CAPN1: variants seen among roughly 807,000 people sequenced by gnomAD.
The protein encoded by CAPN1 is calpain-1 catalytic subunit.
CAPN1 carries 77 observed loss-of-function variants against 105.2 expected under a neutral mutation model. The ratio of observed to expected loss-of-function variants is 0.73; its 90% CI spans 0.61 to 0.88. The LOEUF (loss-of-function observed/expected upper bound fraction) is 0.88. Ranked by LOEUF, CAPN1 falls within the 40% of genes least tolerant of loss-of-function variation. CAPN1 has a pLI of 0.00. For missense variants in CAPN1, 833 were observed against 976.6 expected (o/e 0.85, Z 1.96); for synonymous variants, 355 against 388.8 (o/e 0.91, Z 1.02).
At chr11:65,192,825 T>C (rs1203023516) in intron 10 of CAPN1, among the ~76,000 whole-genome samples, 1 of 151,974 alleles carries the variant, frequency 6.6e-6, no homozygotes, top group African/African-American at 2.4e-5. Flanking sequence ...CAGGCTTATC[T>C]CGAATTCCTG....
At chr11:65,203,376 T>A (rs1223039974) in intron 10 of CAPN1, 1 of 152,030 alleles carries the variant, frequency 6.6e-6, no homozygotes, top group Non-Finnish European at 1.5e-5. Flanking sequence ...TTGTTTGTTT[T>A]TGAAACTGAA....
chr11:65,201,685 T>G (rs1395869801), intron 10 of CAPN1, among the ~76,000 whole-genome samples: 1 of 151,452 alleles, frequency 6.6e-6, no homozygotes, highest in Non-Finnish European at 1.5e-5. Context: ...GCCCGGCTAA[T>G]TTTTTTGTAT....
Position 65,209,761 on chromosome 11 carries a change from G to T in CAPN1, c.1795-88G>T. On this transcript the variant is annotated intron_variant, in intron 17 of 21. Transcript: ENST00000279247. The surrounding 1 kb of genome is among the most constrained non-coding windows in gnomAD (Gnocchi z 4.1). The stretch of plus-strand genomic sequence containing the variant: ...CACCCAGCCCCAAGTCGACTTGCCG[G>T]CTCGGCGGCCATCTCCCCTTCTGCA... 18 of 1,334,764 alleles carry T rather than the reference G, an allele frequency of 1.3e-5. 1 individual carries two copies. In the South Asian group the frequency reaches 2.0e-4, roughly 15 times the overall value. The allele number at this position is 1,334,764 out of a possible 1,614,324, so 82.7% of individuals were successfully genotyped here.
chr11:65,210,505 C>T lies in CAPN1; in HGVS notation c.2059+53C>T. On this transcript the variant is annotated intron_variant, in intron 20 of 21. Coordinates refer to ENST00000279247, the MANE Select transcript of CAPN1 (RefSeq NM_005186.4). This position sits in a 1 kb window ranked among gnomAD's most constrained non-coding sequence, Gnocchi z 4.3. ...TCCAGCTCCGTCCCAAACGCGTCCC[C>T]CAGGAGCTGGGGGGAATGACAGATG... is the stretch of plus-strand genomic sequence containing the variant. The T allele has an allele frequency of 1.8e-6, 2 of 1,101,648 alleles. No individual in the cohort carries two copies. Among genetic ancestry groups the T allele is most frequent in the East Asian group, 2.5e-5 (1 of 40,728 alleles). 68.2% of individuals were successfully genotyped at this position (1,101,648 alleles called of 1,614,324 possible).
Position 65,204,809 on chromosome 11 carries a change from A to G in CAPN1, c.1292A>G (p.Glu431Gly), listed in dbSNP as rs1948927664. Residue 431 changes from glutamate (E) to glycine (G), a missense_variant, in exon 11 of 22, where the codon GAG becomes GGG. By Grantham distance (98) the Glu-to-Gly change is moderately conservative. Transcript: ENST00000279247. ...CTTATGCAGAAGCACCGTCGCCGCGAGCGCCGCTTCGGCCGCGACATGGAG... is the reference window on the plus strand; with the variant it reads ...CTTATGCAGAAGCACCGTCGCCGCGGGCGCCGCTTCGGCCGCGACATGGAG... ...LALMQKHRRR[E>G]RRFGRDMETI... 3 of 1,612,498 alleles carry G rather than the reference A, an allele frequency of 1.9e-6. No homozygotes were observed. Among genetic ancestry groups the G allele is most frequent in the Non-Finnish European group, 2.5e-6 (3 of 1,179,438 alleles).
In CAPN1 at chr11:65,183,211, G is replaced by A; in HGVS notation, c.337+14G>A. On this transcript the variant is annotated intron_variant, in intron 3 of 21. Transcript: ENST00000279247. ...AGGGAGCACTGGGTAGGCCCCCAGG[G>A]CGTCGGGTCCCGGGTATTTTTTCCA... 2.5e-6 allele frequency: 4 copies of A among 1,613,198 alleles called. No individual in the cohort carries two copies. Among genetic ancestry groups the A allele is most frequent in the South Asian group, 1.1e-5 (1 of 91,062 alleles).
intron 1 of CAPN1, chr11:65,182,388 T>C: frequency 3.0e-6 from 1 of 330,074 alleles, no homozygotes; most frequent in Non-Finnish European, 5.6e-6. Flanking sequence ...GCCCAGTTCC[T>C]TGTGCTGTCT....
intron 14 of CAPN1, among the ~76,000 whole-genome samples, chr11:65,207,359 CTGGCTAATTTT>C (rs1395102206): frequency 2.6e-5 from 4 of 151,812 alleles, no homozygotes; most frequent in Non-Finnish European, 5.9e-5. Context: ...GTTACCACAC[CTGGCTAATTTT>C]TGTATTTTTA....
At chr11:65,201,252 C>A (rs1948865310) in intron 10 of CAPN1, among the ~76,000 whole-genome samples, 1 of 150,748 alleles carries the variant, frequency 6.6e-6, no homozygotes, top group South Asian at 2.1e-4. Flanking sequence ...TCGTCTGGCT[C>A]ATTTTCTTAC....
chr11:65,203,388 C>T (rs1258944563), intron 10 of CAPN1: 1 of 152,202 alleles, frequency 6.6e-6, no homozygotes, highest in Non-Finnish European at 1.5e-5. Flanking sequence ...GAAACTGAAT[C>T]TTACTCTGTC....
intron 12 of CAPN1, 64 bp from the exon 13 acceptor site, chr11:65,206,399 G>A (rs556379289): frequency 2.3e-6 from 3 of 1,300,074 alleles, no homozygotes; most frequent in Non-Finnish European, 3.3e-6. Flanking sequence ...CTGGGTCTGG[G>A]GGTGGCCCCT....
At chr11:65,205,858 C>G (rs1348349237) in intron 12 of CAPN1, 137 bp downstream of exon 12, 3 of 798,400 alleles carry the variant, frequency 3.8e-6, no homozygotes, top group Non-Finnish European at 6.6e-6. Flanking sequence ...TGCTTCTCCC[C>G]ACCTGTTCAG....
intron 6 of CAPN1, among the ~76,000 whole-genome samples, chr11:65,186,718 C>G (rs1278955690): frequency 2.0e-5 from 3 of 152,124 alleles, no homozygotes; most frequent in African/African-American, 7.2e-5. Context: ...ACTCCATTCC[C>G]ACCCTTCCCT....
Position 65,210,355 on chromosome 11 carries a change from G to A in CAPN1, c.1962G>A (p.Lys654=). 8.7e-6 allele frequency: 14 copies of A among 1,612,054 alleles called. No homozygotes were observed. Among genetic ancestry groups the A allele is most frequent in the Non-Finnish European group, 1.2e-5 (14 of 1,178,612 alleles). The change falls in exon 20 of 22, where the codon AAG becomes AAA. Residue 654 remains lysine (K), a synonymous_variant. Transcript: ENST00000279247. This position sits in a 1 kb window ranked among gnomAD's most constrained non-coding sequence, Gnocchi z 4.3. ...IESAGFKLNK[K]LYELIITRYS... ...GACCAGGCTTCAAGCTCAACAAGAA[G>A]CTGTACGAGCTCATCATCACCCGCT...
At chr11:65,205,415 C>T (rs1008315348) in intron 11 of CAPN1, among the ~76,000 whole-genome samples, 1 of 152,202 alleles carries the variant, frequency 6.6e-6, no homozygotes, top group Non-Finnish European at 1.5e-5. Context: ...TGGCCCTTTC[C>T]TGTCCCTGGG....
rs1471218732 is a variant in CAPN1 at position 65,208,094 on chromosome 11, G to GCCCTC, written c.1646_1650dup (p.Phe551ProfsTer15). ...AGAGGAGATTGACGAGAACTTCAAG[G>GCCCTC]CCCTCTTCAGGCAGCTGGCAGGGGA... On this transcript the variant is annotated frameshift_variant, in exon 15 of 22. Coordinates refer to ENST00000279247, the MANE Select transcript of CAPN1 (RefSeq NM_005186.4). LOFTEE classifies it high-confidence loss of function. This position sits in a 1 kb window ranked among gnomAD's most constrained non-coding sequence, Gnocchi z 4.1. 6.2e-7 allele frequency: 1 copy of GCCCTC among 1,607,484 alleles called. No individual in the cohort carries two copies.
rs761299893 is a variant in CAPN1 at position 65,182,866 on chromosome 11, C to G, written c.165C>G (p.Leu55=). 3.1e-6 allele frequency: 5 copies of G among 1,602,014 alleles called. No homozygotes were observed. Among genetic ancestry groups the G allele is most frequent in the Non-Finnish European group, 3.4e-6 (4 of 1,174,662 alleles). Residue 55 remains leucine (L), a synonymous_variant, in exon 2 of 22, where the codon CTC becomes CTG. Coordinates refer to ENST00000279247, the MANE Select transcript of CAPN1 (RefSeq NM_005186.4). The part of the protein sequence containing the change: ...LRVRCLQSGT[L]FRDEAFPPVP... ...TGCGATGCCTGCAGAGTGGGACCCT[C>G]TTCCGTGATGAGGCCTTCCCCCCGG...
chr11:65,202,516 C>G (rs11227152), intron 10 of CAPN1, among the ~76,000 whole-genome samples: 10,065 of 152,128 alleles, frequency 0.066, 466 homozygotes, highest in East Asian at 0.21. Context: ...GATCTCGGCT[C>G]ACTGCAACCT....
chr11:65,211,230 G>A (rs762612859), intron 21 of CAPN1, 30 bp from the exon 22 acceptor site: 4 of 1,611,748 alleles, frequency 2.5e-6, no homozygotes. Flanking sequence ...CATTTCTGCG[G>A]CCCCAGCTGA....
Sources: gnomAD v4.1 joint callset for allele counts (sites outside exome capture counted in the v4.1 genomes callset) on GRCh38, gnomAD v4.1.1 for gene constraint, Gnocchi (gnomAD v3.1) non-coding constraint, MANE v1.5 for transcripts, NCBI Gene and HGNC (gene_info 2026-07-23, HGNC 2026-07-21) for gene names.